FOXK1: variants seen among roughly 807,000 people sequenced by gnomAD.
FOXK1 encodes forkhead box protein K1.
FOXK1 carries 19 observed loss-of-function variants against 51.9 expected under a neutral mutation model. The observed-to-expected ratio is 0.37, with a 90% CI of 0.26 to 0.54. FOXK1 has a LOEUF of 0.54. Among genes scored for constraint, FOXK1 ranks in the 20% least tolerant of loss-of-function variants. The pLI, the probability that FOXK1 is intolerant of heterozygous loss-of-function variation, is 0.87. For missense variants in FOXK1, 870 were observed against 1,032.7 expected (o/e 0.84, Z 2.16); for synonymous variants, 537 against 482.6 (o/e 1.11, Z -1.48).
chr7:4,744,940 A>G (rs747022783), intron 2 of FOXK1, among the ~76,000 whole-genome samples: 1 of 152,218 alleles, frequency 6.6e-6, no homozygotes, highest in Non-Finnish European at 1.5e-5. Flanking sequence ...ACATCCGTTT[A>G]TCTTAGCACC....
intron 5 of FOXK1, chr7:4,757,899 T>C (rs1040329145): frequency 1.3e-5 from 2 of 152,168 alleles, no homozygotes; most frequent in African/African-American, 2.4e-5. Context: ...ACTTAAAGAC[T>C]GCACCATTTT....
chr7:4,705,540 T>TCTCTCG (rs1339945650), intron 1 of FOXK1, among the ~76,000 whole-genome samples: 1 of 127,510 alleles, frequency 7.8e-6, no homozygotes, highest in African/African-American at 3.2e-5. Context: ...TCTCTCTCTC[T>TCTCTCG]CTCTCTCTCT....
chr7:4,701,780 C>T (rs1005425324), intron 1 of FOXK1, among the ~76,000 whole-genome samples: 1 of 152,222 alleles, frequency 6.6e-6, no homozygotes, highest in Non-Finnish European at 1.5e-5. Context: ...GTAGTCCCAG[C>T]TACTCGGGAG....
chr7:4,710,104 C>A (rs1780156017), intron 1 of FOXK1, among the ~76,000 whole-genome samples: 1 of 152,230 alleles, frequency 6.6e-6, no homozygotes, highest in Non-Finnish European at 1.5e-5. Context: ...GTTTCCTCAT[C>A]TGAATGAGAA....
intron 1 of FOXK1, among the ~76,000 whole-genome samples, chr7:4,688,727 C>T (rs1417051724): frequency 6.6e-6 from 1 of 152,144 alleles, no homozygotes; most frequent in Non-Finnish European, 1.5e-5. Context: ...TAGTTCCCCA[C>T]ACCTGCCTTT....
At chr7:4,727,924 C>A (rs938090810) in intron 1 of FOXK1, among the ~76,000 whole-genome samples, 3 of 152,198 alleles carry the variant, frequency 2.0e-5, no homozygotes, top group African/African-American at 7.2e-5. Context: ...GGAAAAGCGG[C>A]CGGTAAAATG....
At chr7:4,710,048 G>C (rs1343991022) in intron 1 of FOXK1, among the ~76,000 whole-genome samples, 1 of 152,130 alleles carries the variant, frequency 6.6e-6, no homozygotes, top group Non-Finnish European at 1.5e-5. Context: ...TTCTTCTTAC[G>C]GTTTTAATTG....
chr7:4,744,266 A>G (rs1056764265), intron 2 of FOXK1, among the ~76,000 whole-genome samples: 1 of 151,888 alleles, frequency 6.6e-6, no homozygotes, highest in Non-Finnish European at 1.5e-5. Flanking sequence ...GTTTATTTTT[A>G]TTTTATCTTA....
rs555808791 is a variant in FOXK1, at chr7:4,747,342, G to A, written c.746+6319G>A. On this transcript the variant is annotated intron_variant, in intron 2 of 8. Coordinates refer to ENST00000328914, the MANE Select transcript of FOXK1 (RefSeq NM_001037165.2). This position sits in a 1 kb window ranked among gnomAD's most constrained non-coding sequence, Gnocchi z 9.2. The stretch of plus-strand genomic sequence containing the variant: ...CTGACCCCGGAACCTGCCTAGCTGC[G>A]GGGCCGCCTCTCCGCTCAAGCACCC... Among the ~76,000 whole-genome samples, 17 of 152,284 alleles carry A rather than the reference G, an allele frequency of 1.1e-4. No individual in the cohort carries two copies. The highest frequency in any genetic ancestry group is 8.3e-4 in the South Asian group (4 of 4,820).
chr7:4,758,963 G>A lies in FOXK1; in HGVS notation c.1245-88G>A. On this transcript the variant is annotated intron_variant, in intron 5 of 8. Coordinates refer to ENST00000328914, the MANE Select transcript of FOXK1 (RefSeq NM_001037165.2). This position sits in a 1 kb window ranked among gnomAD's most constrained non-coding sequence, Gnocchi z 4.4. ...CGAGCTCCAGGGAGCGTGGGCGGGT[G>A]ACGGCGCTGAGATGCGTGATGTCTC... 1 of 1,411,540 alleles carries A rather than the reference G, an allele frequency of 7.1e-7. No homozygotes were observed. The highest frequency in any genetic ancestry group is 9.5e-7 in the Non-Finnish European group (1 of 1,052,536). 87.4% of individuals were successfully genotyped at this position (1,411,540 alleles called of 1,614,324 possible). A position where few individuals can be genotyped will look rare whatever the true frequency, so the allele number is the denominator to read the frequency against.
chr7:4,690,841 G>A (rs1199862166), intron 1 of FOXK1, among the ~76,000 whole-genome samples: 1 of 152,172 alleles, frequency 6.6e-6, no homozygotes, highest in Non-Finnish European at 1.5e-5. Context: ...GAATGTCAGA[G>A]GATAAACTTG....
At chr7:4,714,843 A>G (rs994806419) in intron 1 of FOXK1, among the ~76,000 whole-genome samples, 5 of 152,196 alleles carry the variant, frequency 3.3e-5, no homozygotes, top group African/African-American at 4.8e-5. Flanking sequence ...GAAGGGCATA[A>G]AACCCAGATG....
rs138891017 is a variant in FOXK1, at chr7:4,730,045, G to A, written c.561-10793G>A. ...AAGAAAGCCCGGCTTCGGTCAGACC[G>A]TTGTCTGCGTTTTTCACCGCGTGTC... On this transcript the variant is annotated intron_variant, in intron 1 of 8. Transcript: ENST00000328914. The surrounding 1 kb of genome is among the most constrained non-coding windows in gnomAD (Gnocchi z 4.7). 3.1e-4 allele frequency among the ~76,000 whole-genome samples: 47 copies of A among 152,302 alleles called. No individual in the cohort carries two copies. Among genetic ancestry groups the A allele is most frequent in the Non-Finnish European group, 5.3e-4 (36 of 68,022 alleles).
rs1313943454 is a variant in FOXK1 at position 4,723,648 on chromosome 7, T to C, written c.561-17190T>C. Among the ~76,000 whole-genome samples the C allele has an allele frequency of 2.6e-5, 4 of 152,178 alleles. No individual in the cohort carries two copies. The highest frequency in any genetic ancestry group is 9.7e-5 in the African/African-American group (4 of 41,442). On this transcript the variant is annotated intron_variant, in intron 1 of 8. Transcript: ENST00000328914. The surrounding 1 kb of genome is among the most constrained non-coding windows in gnomAD (Gnocchi z 4.7). ...TTGCAGCAGTGCAGGAAGCTTTTCC[T>C]TTCTCTCAAAACAGTTACTACCAAT...
At chr7:4,708,220 T>G (rs1780129718) in intron 1 of FOXK1, among the ~76,000 whole-genome samples, 1 of 152,152 alleles carries the variant, frequency 6.6e-6, no homozygotes, top group Admixed American at 6.5e-5. Context: ...GCTGTGTGGC[T>G]TTGTTTGGGT....
At position 4,735,033 on chromosome 7, in the gene FOXK1, T is replaced by C. The variant is rs978538131; in HGVS notation, c.561-5805T>C. Reference sequence around the variant, plus strand: ...CATCGAGAATTAAGTGAGCTATTTTTATTTTCCTGACAGCTTTCTGTTTGG... The same window carrying C: ...CATCGAGAATTAAGTGAGCTATTTTCATTTTCCTGACAGCTTTCTGTTTGG... On this transcript the variant is annotated intron_variant, in intron 1 of 8. Coordinates refer to ENST00000328914, the MANE Select transcript of FOXK1 (RefSeq NM_001037165.2). The surrounding 1 kb of genome is among the most constrained non-coding windows in gnomAD (Gnocchi z 4.7). Among the ~76,000 whole-genome samples the C allele has an allele frequency of 2.0e-5, 3 of 152,212 alleles. No homozygotes were observed. The highest frequency in any genetic ancestry group is 1.9e-4 in the East Asian group (1 of 5,198).
chr7:4,682,888 C>T lies in FOXK1; in HGVS notation c.560+20C>T. ...CAAGCAGTGAGTGGCCCCGCGACCC[C>T]CGCCGCCCGCACCCGGGGCTCGCCC... On this transcript the variant is annotated intron_variant, in intron 1 of 8. Transcript: ENST00000328914. This position sits in a 1 kb window ranked among gnomAD's most constrained non-coding sequence, Gnocchi z 7.6. The T allele has an allele frequency of 6.9e-7, 1 of 1,441,422 alleles. No homozygotes were observed. Among genetic ancestry groups the T allele is most frequent in the Non-Finnish European group, 9.1e-7 (1 of 1,095,224 alleles). The allele number at this position is 1,441,422 out of a possible 1,614,324, so 89.3% of individuals were successfully genotyped here. A position where few individuals can be genotyped will look rare whatever the true frequency, so the allele number is the denominator to read the frequency against.
chr7:4,682,758 G>A lies in FOXK1; in HGVS notation c.450G>A (p.Gln150=), dbSNP rs111746860. 1.5e-5 allele frequency: 24 copies of A among 1,599,344 alleles called. No individual in the cohort carries two copies. The highest frequency in any genetic ancestry group is 1.2e-4 in the African/African-American group (9 of 74,398). Residue 150 remains glutamine, a synonymous_variant, in exon 1 of 9, where the codon CAG becomes CAA. Transcript: ENST00000328914. This position sits in a 1 kb window ranked among gnomAD's most constrained non-coding sequence, Gnocchi z 7.6. The part of the protein sequence containing the change: ...LSSFISRRHL[Q]LSFQEPHFYL... The stretch of plus-strand genomic sequence containing the variant: ...GCTTCATCTCGCGGCGCCACCTGCA[G>A]CTCAGCTTCCAGGAGCCGCACTTCT...
rs930240184 is a variant in FOXK1 at position 4,723,061 on chromosome 7, C to G, written c.561-17777C>G. 2.0e-5 allele frequency among the ~76,000 whole-genome samples: 3 copies of G among 151,922 alleles called. No individual in the cohort carries two copies. ...CACAACCTGTATCAGCTTGTGATCC[C>G]GAACAAAAACCCGTCTTCCCAAGCC... On this transcript the variant is annotated intron_variant, in intron 1 of 8. Transcript: ENST00000328914. The surrounding 1 kb of genome is among the most constrained non-coding windows in gnomAD (Gnocchi z 4.7).
Sources: allele counts gnomAD v4.1 joint callset (sites outside exome capture counted in the v4.1 genomes callset), GRCh38; gene constraint gnomAD v4.1.1; non-coding constraint Gnocchi (gnomAD v3.1); transcripts MANE v1.5; gene names NCBI Gene and HGNC (gene_info 2026-07-23, HGNC 2026-07-21).